The following MAPK10 variants were observed in gnomAD, a reference collection of about 807,000 sequenced individuals.
MAPK10 encodes the protein JNK3 alpha protein kinase.
Under a neutral mutation model 59.3 loss-of-function variants are expected in MAPK10, and 25 were observed. The observed-to-expected ratio is 0.42, with a 90% confidence interval of 0.31 to 0.59. The LOEUF is 0.59. Among genes scored for constraint, MAPK10 ranks in the 20% least tolerant of loss-of-function variants. The pLI is 0.15. For missense variants in MAPK10, 351 were observed against 568.9 expected (o/e 0.62, Z 3.90); for synonymous variants, 190 against 200.5 (o/e 0.95, Z 0.44).
chr4:86,468,885 A>G (rs539245321), intron 1 of MAPK10, among the ~76,000 whole-genome samples: 2 of 152,060 alleles, frequency 1.3e-5, no homozygotes, highest in South Asian at 4.2e-4. Flanking sequence ...AAGGAAAATA[A>G]CAAAGCAACA....
intron 1 of MAPK10, among the ~76,000 whole-genome samples, chr4:86,407,500 G>C (rs558040575): frequency 6.6e-6 from 1 of 152,072 alleles, no homozygotes; most frequent in Non-Finnish European, 1.5e-5. Context: ...GAATCCAGTC[G>C]GTCTGTTAGG....
chr4:86,243,763 T>C (rs916098046), intron 2 of MAPK10, among the ~76,000 whole-genome samples: 9 of 117,222 alleles, frequency 7.7e-5, no homozygotes, highest in African/African-American at 3.0e-4. Flanking sequence ...GTAGTCTGAA[T>C]CTCTCTTTCC....
At chr4:86,287,896 A>G (rs1437398346) in intron 2 of MAPK10, among the ~76,000 whole-genome samples, 3 of 152,210 alleles carry the variant, frequency 2.0e-5, no homozygotes, top group Non-Finnish European at 4.4e-5. Flanking sequence ...ATATATGGAA[A>G]GAAAATCTAT....
intron 1 of MAPK10, among the ~76,000 whole-genome samples, chr4:86,372,556 GAAA>G (rs1738969466): frequency 8.9e-5 from 1 of 11,182 alleles, no homozygotes; most frequent in East Asian, 2.1e-3. Context: ...AAGAAAGAAA[GAAA>G]GAAAGAAAGA....
At chr4:86,426,528 T>G (rs1412569193) in intron 1 of MAPK10, among the ~76,000 whole-genome samples, 1 of 152,196 alleles carries the variant, frequency 6.6e-6, no homozygotes, top group African/African-American at 2.4e-5. Flanking sequence ...TGCATTTAGA[T>G]TCCGTCCTAA....
chr4:86,343,519 G>A (rs1222432745), intron 2 of MAPK10, among the ~76,000 whole-genome samples: 3 of 152,088 alleles, frequency 2.0e-5, no homozygotes, highest in Non-Finnish European at 4.4e-5. Context: ...ATAGTGCCAT[G>A]CTAGATGCAT....
chr4:86,367,134 C>T (rs1195399029), intron 1 of MAPK10, among the ~76,000 whole-genome samples: 3 of 152,060 alleles, frequency 2.0e-5, no homozygotes, highest in African/African-American at 7.2e-5. Flanking sequence ...GCTATACTTT[C>T]AACAGTTAGA....
chr4:86,335,919 G>A (rs1270162639), intron 2 of MAPK10, among the ~76,000 whole-genome samples: 1 of 152,190 alleles, frequency 6.6e-6, no homozygotes, highest in Non-Finnish European at 1.5e-5. Context: ...GGGGATTACA[G>A]GTCCTTCCCT....
intron 2 of MAPK10, among the ~76,000 whole-genome samples, chr4:86,281,306 C>A (rs1380789029): frequency 6.6e-6 from 1 of 151,752 alleles, no homozygotes; most frequent in Non-Finnish European, 1.5e-5. Context: ...TGAGACCAGC[C>A]AGGCCAACAT....
At chr4:86,408,633 G>T (rs1432767464) in intron 1 of MAPK10, among the ~76,000 whole-genome samples, 2 of 152,102 alleles carry the variant, frequency 1.3e-5, no homozygotes, top group African/African-American at 2.4e-5. Context: ...GTTTTGATTT[G>T]CATGTCTCTG....
chr4:86,328,444 G>A (rs1044877098), intron 2 of MAPK10, among the ~76,000 whole-genome samples: 7 of 152,134 alleles, frequency 4.6e-5, no homozygotes, highest in African/African-American at 1.2e-4. Context: ...ACACTGTGGC[G>A]ATTCCTCAAG....
rs1741462563 is a variant in MAPK10, at chr4:86,011,847, T to G, written c.*5381A>C. 1 of 152,180 alleles carries G rather than the reference T, an allele frequency of 6.6e-6. No individual in the cohort carries two copies. Among genetic ancestry groups the G allele is most frequent in the Non-Finnish European group, 1.5e-5 (1 of 68,024 alleles). The allele number at this position is 152,180 out of a possible 1,614,324, so 9.4% of individuals were successfully genotyped here. A position where few individuals can be genotyped will look rare whatever the true frequency, so the allele number is the denominator to read the frequency against. On this transcript the variant is annotated 3_prime_UTR_variant, in exon 14 of 14. Transcript: ENST00000641462. ...AATAGTTAATTGGTTAAATAAAACA[T>G]TATTTACAGAAATAGAAGAGCCACT...
chr4:86,214,981 G>A lies in MAPK10; in HGVS notation c.-6-20574C>T, dbSNP rs78553382. Among the ~76,000 whole-genome samples, 455 of 151,998 alleles carry A rather than the reference G, an allele frequency of 3.0e-3. 2 individuals are homozygous for A. Among genetic ancestry groups the A allele is most frequent in the African/African-American group, 0.011 (437 of 41,496 alleles). ...AACAACCTTGAAAAAAGAACAAAACGGAAGGACCCACACTTCCTGATTTCA... is the reference window on the plus strand; with the variant it reads ...AACAACCTTGAAAAAAGAACAAAACAGAAGGACCCACACTTCCTGATTTCA... On this transcript the variant is annotated intron_variant, in intron 2 of 13. Coordinates refer to ENST00000641462, the MANE Select transcript of MAPK10 (RefSeq NM_138982.4).
At chr4:86,135,196 G>T (rs1165655867) in intron 4 of MAPK10, among the ~76,000 whole-genome samples, 2 of 152,236 alleles carry the variant, frequency 1.3e-5, no homozygotes, top group Non-Finnish European at 2.9e-5. Flanking sequence ...AGCTCAAGGA[G>T]GCCTGCCTGC....
intron 5 of MAPK10, chr4:86,106,986 C>G: frequency 4.0e-6 from 1 of 252,048 alleles, no homozygotes; most frequent in Non-Finnish European, 7.5e-6. Context: ...AATTTTCTAA[C>G]TAGGGAAATA....
intron 2 of MAPK10, among the ~76,000 whole-genome samples, chr4:86,329,578 A>G (rs2096104327): frequency 6.6e-6 from 1 of 152,192 alleles, no homozygotes; most frequent in African/African-American, 2.4e-5. Flanking sequence ...CCAAGCCAGC[A>G]GCAACGAGAG....
At chr4:86,290,442 T>C (rs1171343387) in intron 2 of MAPK10, among the ~76,000 whole-genome samples, 1 of 152,254 alleles carries the variant, frequency 6.6e-6, no homozygotes, top group Non-Finnish European at 1.5e-5. Flanking sequence ...TTGGTAATAC[T>C]GGCAACGGCC....
In MAPK10 at chr4:86,014,995, G is replaced by A. The variant is rs1742744271; in HGVS notation, c.*2233C>T. ...ATCAGTAAAGAATTAGAGATACAGA[G>A]AGGAGAAGTTTTTAAAAAAAAAAAA... On this transcript the variant is annotated 3_prime_UTR_variant, in exon 14 of 14. Coordinates refer to ENST00000641462, the MANE Select transcript of MAPK10 (RefSeq NM_138982.4). 7.3e-6 allele frequency: 1 copy of A among 136,066 alleles called. No individual in the cohort carries two copies. Among genetic ancestry groups the A allele is most frequent in the South Asian group, 2.3e-4 (1 of 4,264 alleles). 8.4% of individuals were successfully genotyped at this position (136,066 alleles called of 1,614,324 possible). A position where few individuals can be genotyped will look rare whatever the true frequency, so the allele number is the denominator to read the frequency against.
At chr4:86,242,640 C>T (rs2092806753) in intron 2 of MAPK10, among the ~76,000 whole-genome samples, 1 of 152,210 alleles carries the variant, frequency 6.6e-6, no homozygotes, top group Non-Finnish European at 1.5e-5. Flanking sequence ...ACTGCCACAG[C>T]CAGTGTGTTG....
Sources: gnomAD v4.1 joint callset for allele counts (sites outside exome capture counted in the v4.1 genomes callset) on GRCh38, gnomAD v4.1.1 for gene constraint, MANE v1.5 for transcripts, NCBI Gene and HGNC (gene_info 2026-07-23, HGNC 2026-07-21) for gene names.